TOX4: variants seen among roughly 807,000 people sequenced by gnomAD.
The protein encoded by TOX4 is TOX high mobility group box family member 4.
A neutral mutation model predicts 61.0 loss-of-function variants in TOX4; 12 were observed. That is an observed-to-expected ratio of 0.20 (90% CI 0.13 to 0.32). The LOEUF is 0.32. Ranked by LOEUF, TOX4 falls within the 10% of genes least tolerant of loss-of-function variation. The pLI is 1.00. For missense variants in TOX4, 499 were observed against 753.3 expected, an observed-to-expected ratio of 0.66 and a Z score of 3.95; for synonymous variants, 268 against 274.8, an observed-to-expected ratio of 0.98 and a Z score of 0.24.
intron 2 of TOX4, 143 bp from the exon 3 acceptor site, chr14:21,487,308 T>C: frequency 1.7e-6 from 2 of 1,175,752 alleles, no homozygotes; most frequent in Non-Finnish European, 2.4e-6. Context: ...AAATAATAGG[T>C]TCTAAGAAAT....
chr14:21,482,472 G>T, intron 2 of TOX4: 1 of 429,358 alleles, frequency 2.3e-6, no homozygotes, highest in Non-Finnish European at 4.7e-6. Flanking sequence ...ATGAAAAAAG[G>T]GAGGGAAATG....
chr14:21,489,866 C>A (rs1173784271), intron 5 of TOX4, among the ~76,000 whole-genome samples: 3 of 151,730 alleles, frequency 2.0e-5, no homozygotes, highest in Admixed American at 2.0e-4. Context: ...CAGGCATGAG[C>A]CACTGCGCCC....
At chr14:21,481,522 T>G (rs1217832926) in intron 2 of TOX4, among the ~76,000 whole-genome samples, 1 of 152,168 alleles carries the variant, frequency 6.6e-6, no homozygotes, top group African/African-American at 2.4e-5. Context: ...GTAAGTTAAT[T>G]GAGCCACTGG....
chr14:21,481,090 C>T (rs572825114), intron 2 of TOX4, among the ~76,000 whole-genome samples: 1 of 151,976 alleles, frequency 6.6e-6, no homozygotes, highest in South Asian at 2.1e-4. Context: ...AACTCCGTCT[C>T]AAAAAAATAA....
intron 2 of TOX4, among the ~76,000 whole-genome samples, chr14:21,479,923 C>G (rs961995222): frequency 4.6e-5 from 7 of 152,174 alleles, no homozygotes; most frequent in African/African-American, 1.4e-4. Flanking sequence ...ACCCACTGTT[C>G]TTAATTCTCT....
rs186754103 is a variant in TOX4, at chr14:21,491,460, C to T, written c.811-836C>T. ...CTGCAAGCTCTATCTCCCAGGTTCACGCCATTCTCCTGCCTCAGCCTCCTG... is the reference window on the plus strand; with the variant it reads ...CTGCAAGCTCTATCTCCCAGGTTCATGCCATTCTCCTGCCTCAGCCTCCTG... On this transcript the variant is annotated intron_variant, in intron 5 of 8. Transcript: ENST00000448790. 2.4e-4 allele frequency among the ~76,000 whole-genome samples: 37 copies of T among 151,736 alleles called. No homozygotes were observed. In the East Asian group the frequency reaches 6.7e-3, roughly 28 times the overall value.
chr14:21,495,079 C>CCAAGAACT, intron 7 of TOX4, 150 bp from the exon 8 acceptor site: 1 of 773,396 alleles, frequency 1.3e-6, no homozygotes. Context: ...AGAGGGGAGA[C>CCAAGAACT]CAAGAACTCA....
intron 8 of TOX4, 101 bp from the exon 9 acceptor site, chr14:21,496,445 T>G: frequency 9.6e-7 from 1 of 1,044,468 alleles, no homozygotes; most frequent in Non-Finnish European, 1.4e-6. Flanking sequence ...GAGAATGGCG[T>G]GAACCCATGA....
intron 2 of TOX4, 51 bp downstream of exon 2, chr14:21,477,615 G>T (rs1300743609): frequency 6.2e-7 from 1 of 1,602,166 alleles, no homozygotes. Context: ...GCAGCGGTGG[G>T]GTAGGGTAGT....
intron 2 of TOX4, among the ~76,000 whole-genome samples, chr14:21,485,955 A>G (rs1426981127): frequency 1.9e-5 from 2 of 105,930 alleles, no homozygotes; most frequent in Non-Finnish European, 4.1e-5. Context: ...TAAGCCCAAC[A>G]CTTTGGAGGC....
At chr14:21,488,983 C>G (rs1461899569) in intron 4 of TOX4, 133 bp downstream of exon 4, 1 of 1,344,156 alleles carries the variant, frequency 7.4e-7, no homozygotes, top group African/African-American at 1.5e-5. Context: ...TGGGGTTCCA[C>G]CTCCCAATTT....
At position 21,492,565 on chromosome 14, in the gene TOX4, C is replaced by T; in HGVS notation, c.949C>T (p.Pro317Ser). The T allele has an allele frequency of 1.9e-6, 3 of 1,613,996 alleles. No individual in the cohort carries two copies. The highest frequency in any genetic ancestry group is 1.3e-5 in the African/African-American group (1 of 75,010). The stretch of plus-strand genomic sequence containing the variant: ...ACCACCATCACAAACTCCTTCTCCA[C>T]CTCCTATGGCTACTGTTGACCCAGC... ...PAPPSQTPSP[P>S]PMATVDPASP... Residue 317 changes from proline to serine, a missense_variant, in exon 7 of 9, where the codon CCT (proline) becomes TCT (serine). This residue lies in a region of TOX4 where 296 missense variants were observed against 404.7 expected (regional missense o/e 0.73). Transcript: ENST00000448790.
At position 21,477,248 on chromosome 14, in the gene TOX4, G is replaced by T; in HGVS notation, c.-31G>T. ...CAGTGGGGGCGGTGGGAGCGATGAG[G>T]GTCTGAGACGGTGGGAGCGGTTGTG... On this transcript the variant is annotated 5_prime_UTR_variant, in exon 1 of 9. Transcript: ENST00000448790. 6.2e-7 allele frequency: 1 copy of T among 1,613,848 alleles called. No homozygotes were observed. Among genetic ancestry groups the T allele is most frequent in the Non-Finnish European group, 8.5e-7 (1 of 1,179,884 alleles).
intron 3 of TOX4, chr14:21,488,337 T>G: frequency 2.2e-6 from 1 of 449,208 alleles, no homozygotes; most frequent in Non-Finnish European, 4.0e-6. Flanking sequence ...GATAGCTCTT[T>G]GACTTGTCCA....
Position 21,477,292 on chromosome 14 carries a change from C to A in TOX4, c.6+8C>A. On this transcript the variant is annotated splice_region_variant and intron_variant, in intron 1 of 8. Coordinates refer to ENST00000448790, the MANE Select transcript of TOX4 (RefSeq NM_014828.4). ...GGTTGTGTGAAGATGGAGGTAGGAA[C>A]CTGATAGCTAAGAAGGCTGGCGAGA... 6.2e-7 allele frequency: 1 copy of A among 1,613,976 alleles called. No homozygotes were observed. Among genetic ancestry groups the A allele is most frequent in the Non-Finnish European group, 8.5e-7 (1 of 1,179,950 alleles).
intron 2 of TOX4, among the ~76,000 whole-genome samples, chr14:21,483,210 CA>C (rs1190686419): frequency 1.5e-4 from 23 of 152,252 alleles, no homozygotes; most frequent in Admixed American, 1.4e-3. Context: ...TTCTCATTAA[CA>C]AATAGTATCA....
In TOX4 at chr14:21,499,045, T is replaced by G; in HGVS notation, c.*2439T>G. 1 of 1,613,956 alleles carries G rather than the reference T, an allele frequency of 6.2e-7. No homozygotes were observed. Among genetic ancestry groups the G allele is most frequent in the East Asian group, 2.2e-5 (1 of 44,882 alleles). Reference sequence around the variant, plus strand: ...CTTACCAGTTGGGTTGCACATTGTGTGGTCGTCCAAATAACTCAATCTTGC... The same window carrying G: ...CTTACCAGTTGGGTTGCACATTGTGGGGTCGTCCAAATAACTCAATCTTGC... On this transcript the variant is annotated 3_prime_UTR_variant, in exon 9 of 9. Coordinates refer to ENST00000448790, the MANE Select transcript of TOX4 (RefSeq NM_014828.4).
At position 21,498,182 on chromosome 14, in the gene TOX4, A is replaced by C; in HGVS notation, c.*1576A>C. The C allele has an allele frequency of 4.8e-5, 39 of 819,180 alleles. No individual in the cohort carries two copies. Among genetic ancestry groups the C allele is most frequent in the Non-Finnish European group, 7.9e-5 (38 of 478,980 alleles). The allele number at this position is 819,180 out of a possible 1,614,324, so 50.7% of individuals were successfully genotyped here. On this transcript the variant is annotated 3_prime_UTR_variant, in exon 9 of 9. Transcript: ENST00000448790. ...GTTTATTTAAATAAAGAAGAAAGCT[A>C]TTGTACAAATATCACTCTTCAGGTT...
At chr14:21,488,460 C>T in intron 3 of TOX4, 130 bp from the exon 4 acceptor site, 1 of 857,206 alleles carries the variant, frequency 1.2e-6, no homozygotes. Context: ...TTTTTGAAGA[C>T]TATTTTATGT....
Sources: allele counts gnomAD v4.1 joint callset (sites outside exome capture counted in the v4.1 genomes callset), GRCh38; gene constraint gnomAD v4.1.1; regional missense constraint gnomAD v4.1.1; transcripts MANE v1.5; gene names NCBI Gene and HGNC (gene_info 2026-07-23, HGNC 2026-07-21).